The following PYROXD1 variants were observed in gnomAD, a reference collection of about 807,000 sequenced individuals.
PYROXD1 encodes the protein pyridine nucleotide-disulphide oxidoreductase domain 1, also known as tRNA ligase complex-associated NAD(P)H dehydrogenase PYROXD1.
A neutral mutation model predicts 62.0 loss-of-function variants in PYROXD1; 42 were observed. The observed-to-expected ratio is 0.68, with a 90% CI of 0.53 to 0.88. PYROXD1 has a LOEUF of 0.88. Among genes scored for constraint, PYROXD1 ranks in the 40% least tolerant of loss-of-function variants. The pLI, the probability that PYROXD1 is intolerant of heterozygous loss-of-function variation, is 0.00. For synonymous variants in PYROXD1, 170 were observed against 206.4 expected (o/e 0.82, Z 1.51); for missense variants, 493 against 604.8 (o/e 0.82, Z 1.94).
At chr12:21,457,653 G>A (rs937021159) in intron 7 of PYROXD1, among the ~76,000 whole-genome samples, 2 of 151,988 alleles carry the variant, frequency 1.3e-5, no homozygotes, top group African/African-American at 2.4e-5. Flanking sequence ...TTTCAATCAC[G>A]GGGGAAGGGG....
chr12:21,463,919 A>T (rs1427273843), intron 10 of PYROXD1, among the ~76,000 whole-genome samples: 2 of 152,168 alleles, frequency 1.3e-5, no homozygotes, highest in African/African-American at 4.8e-5. Flanking sequence ...TTTGTTAAAG[A>T]CCAGCTCCAC....
rs186684413 is a variant in PYROXD1, at chr12:21,441,642, T to A, written c.165+1194T>A. Reference sequence around the variant, plus strand: ...CTGCTTTAGTTTTTAAATAACTTTTTAAATTTTTTGTTTTGGTTGCTTATT... The same window carrying A: ...CTGCTTTAGTTTTTAAATAACTTTTAAAATTTTTTGTTTTGGTTGCTTATT... On this transcript the variant is annotated intron_variant, in intron 2 of 11. Transcript: ENST00000240651. Among the ~76,000 whole-genome samples the A allele has an allele frequency of 5.5e-3, 843 of 152,328 alleles. 6 individuals carry two copies. The highest frequency in any genetic ancestry group is 0.019 in the African/African-American group (782 of 41,574).
intron 5 of PYROXD1, chr12:21,454,644 ACT>A (rs1942562304): frequency 6.6e-6 from 1 of 151,936 alleles, no homozygotes; most frequent in South Asian, 2.1e-4. Context: ...TTAGCTTATA[ACT>A]CTGATTCTTT....
intron 10 of PYROXD1, among the ~76,000 whole-genome samples, chr12:21,464,724 GTT>G (rs59314106): frequency 3.3e-5 from 4 of 120,656 alleles, no homozygotes; most frequent in Non-Finnish European, 5.6e-5. Context: ...CAAGGTCAGT[GTT>G]TTTTTTTTTT....
chr12:21,470,018 T>C lies in PYROXD1; in HGVS notation c.*1264T>C. 4.0e-6 allele frequency: 3 copies of C among 758,032 alleles called. No homozygotes were observed. Among genetic ancestry groups the C allele is most frequent in the Non-Finnish European group, 5.8e-6 (3 of 516,476 alleles). 47.0% of individuals were successfully genotyped at this position (758,032 alleles called of 1,614,324 possible). ...TACTGGAAAATTATATAATTCATGA[T>C]CTCTAATTTTCAAACATTCTCAAAA... On this transcript the variant is annotated 3_prime_UTR_variant, in exon 12 of 12. Coordinates refer to ENST00000240651, the MANE Select transcript of PYROXD1 (RefSeq NM_024854.5).
intron 5 of PYROXD1, among the ~76,000 whole-genome samples, chr12:21,452,718 A>G (rs924334024): frequency 1.3e-5 from 2 of 152,122 alleles, no homozygotes; most frequent in African/African-American, 2.4e-5. Flanking sequence ...CCATTGAGAA[A>G]TATCCTGCTG....
chr12:21,457,251 A>G (rs895300157), intron 7 of PYROXD1, among the ~76,000 whole-genome samples: 5 of 152,152 alleles, frequency 3.3e-5, no homozygotes, highest in African/African-American at 1.2e-4. Context: ...TGGCAGCTAT[A>G]GCCTTATGAA....
At chr12:21,461,286 C>A in intron 8 of PYROXD1, 132 bp downstream of exon 8, 1 of 587,076 alleles carries the variant, frequency 1.7e-6, no homozygotes, top group Non-Finnish European at 2.7e-6. Context: ...AAAAATAAAA[C>A]CATAATTTAA....
Position 21,456,979 on chromosome 12 carries a change from A to G in PYROXD1, c.750+884A>G, listed in dbSNP as rs1229209016. 4 of 405,530 alleles carry G rather than the reference A, an allele frequency of 9.9e-6. No individual in the cohort carries two copies. The East Asian group carries it at 2.3e-4, about 23-fold the overall frequency. 25.1% of individuals were successfully genotyped at this position (405,530 alleles called of 1,614,324 possible). A position where few individuals can be genotyped will look rare whatever the true frequency, so the allele number is the denominator to read the frequency against. Reference sequence around the variant, plus strand: ...CAAATTTTATCATGAGATTGCAGCAATGTAGTCTCATCTTCAGGATTCATT... The same window carrying G: ...CAAATTTTATCATGAGATTGCAGCAGTGTAGTCTCATCTTCAGGATTCATT... On this transcript the variant is annotated intron_variant, in intron 7 of 11. Coordinates refer to ENST00000240651, the MANE Select transcript of PYROXD1 (RefSeq NM_024854.5).
chr12:21,454,282 A>G (rs926070357), intron 5 of PYROXD1, among the ~76,000 whole-genome samples: 1 of 152,066 alleles, frequency 6.6e-6, no homozygotes, highest in African/African-American at 2.4e-5. Flanking sequence ...GTATTTTATT[A>G]GTATCGCAAG....
chr12:21,455,139 A>C lies in PYROXD1; in HGVS notation c.496A>C (p.Ile166Leu), dbSNP rs747788701. ...GGIALELVYE[I>L]EGCEVIWAIK... is the part of the protein sequence containing the mutation. ...CTTTAACATTGTTTTTAGGTATGAA[A>C]TTGAAGGCTGTGAAGTGATTTGGGC... Residue 166 changes from isoleucine (I) to leucine (L), a missense_variant, in exon 6 of 12, where the codon ATT becomes CTT. Ile to Leu is a conservative substitution (Grantham distance 5). This residue lies in a region of PYROXD1 where 329 missense variants were observed against 446.6 expected (regional missense o/e 0.74). Coordinates refer to ENST00000240651, the MANE Select transcript of PYROXD1 (RefSeq NM_024854.5). 11 of 1,418,038 alleles carry C rather than the reference A, an allele frequency of 7.8e-6. No individual in the cohort carries two copies. In the South Asian group the frequency reaches 1.9e-4, roughly 24 times the overall value. The allele number at this position is 1,418,038 out of a possible 1,614,324, so 87.8% of individuals were successfully genotyped here.
chr12:21,445,948 C>T (rs74067165), intron 3 of PYROXD1, among the ~76,000 whole-genome samples: 2,243 of 152,088 alleles, frequency 0.015, 44 homozygotes, highest in African/African-American at 0.047. Context: ...AAGAGTTCCC[C>T]AGGTGGAAAG....
chr12:21,452,332 A>AT (rs1942516372), intron 5 of PYROXD1, among the ~76,000 whole-genome samples, 178 bp downstream of exon 5: 1 of 151,976 alleles, frequency 6.6e-6, no homozygotes, highest in East Asian at 1.9e-4. Context: ...AATCCACCAT[A>AT]TTTTTTTAGC....
chr12:21,451,088 G>C (rs1407901916), intron 4 of PYROXD1, among the ~76,000 whole-genome samples: 3 of 152,208 alleles, frequency 2.0e-5, no homozygotes, highest in Non-Finnish European at 4.4e-5. Flanking sequence ...GAATTTTAAA[G>C]ATGTCAGCTT....
intron 4 of PYROXD1, 122 bp downstream of exon 4, chr12:21,449,813 A>C: frequency 1.4e-6 from 1 of 721,914 alleles, no homozygotes; most frequent in South Asian, 1.9e-5. Flanking sequence ...TTTCATGACC[A>C]GTAAACCACA....
chr12:21,449,557 T>C lies in PYROXD1; in HGVS notation c.286-6T>C. 2 of 1,609,990 alleles carry C rather than the reference T, an allele frequency of 1.2e-6. No individual in the cohort carries two copies. The highest frequency in any genetic ancestry group is 1.7e-6 in the Non-Finnish European group (2 of 1,178,508). ...CCTTTTCTTTCATTGTTTGATGTAT[T>C]TACAGTGCATTGTAACAGAAGATGG... On this transcript the variant is annotated splice_polypyrimidine_tract_variant and splice_region_variant and intron_variant, in intron 3 of 11. Coordinates refer to ENST00000240651, the MANE Select transcript of PYROXD1 (RefSeq NM_024854.5).
chr12:21,462,250 G>T (rs1476255023), intron 9 of PYROXD1, 130 bp downstream of exon 9: 2 of 607,740 alleles, frequency 3.3e-6, no homozygotes, highest in South Asian at 2.2e-5. Flanking sequence ...AAACAGTTTG[G>T]TTAAAACATT....
intron 10 of PYROXD1, among the ~76,000 whole-genome samples, chr12:21,466,643 A>G (rs1203010024): frequency 2.6e-5 from 4 of 152,168 alleles, no homozygotes; most frequent in African/African-American, 9.7e-5. Context: ...TCCTAATTGA[A>G]TGCCCTTTAT....
intron 2 of PYROXD1, 99 bp from the exon 3 acceptor site, chr12:21,445,248 C>A: frequency 8.0e-7 from 1 of 1,255,124 alleles, no homozygotes; most frequent in South Asian, 1.9e-5. Context: ...GTTTTATAAA[C>A]ACAAAATAGT....
Sources: allele counts gnomAD v4.1 joint callset (sites outside exome capture counted in the v4.1 genomes callset), GRCh38; gene constraint gnomAD v4.1.1; regional missense constraint gnomAD v4.1.1; transcripts MANE v1.5; gene names NCBI Gene and HGNC (gene_info 2026-07-23, HGNC 2026-07-21).